The following MCRIP1 variants were observed in gnomAD, a reference collection of about 807,000 sequenced individuals.
MCRIP1 encodes the protein MAPK regulated corepressor interacting protein 1.
In MCRIP1, 10 loss-of-function variants were observed where a neutral mutation model predicts 14.4. The observed-to-expected ratio is 0.70, with a 90% CI of 0.43 to 1.18. The LOEUF is 1.18. Ranked by LOEUF, MCRIP1 falls within the 50% of genes most tolerant of loss-of-function variation. The pLI, the probability that MCRIP1 is intolerant of heterozygous loss-of-function variation, is 0.00. For missense variants in MCRIP1, 119 were observed against 135.4 expected (o/e 0.88, Z 0.60); for synonymous variants, 53 against 55.7 (o/e 0.95, Z 0.21).
At chr17:81,826,695 C>T (rs375817839) in intron 1 of MCRIP1, 59 of 321,188 alleles carry the variant, frequency 1.8e-4, no homozygotes, top group East Asian at 8.8e-4. Context: ...GGCAGGCACC[C>T]GTAATCCCAG....
intron 1 of MCRIP1, among the ~76,000 whole-genome samples, chr17:81,827,437 A>T (rs1567826428): frequency 6.6e-6 from 1 of 151,468 alleles, no homozygotes; most frequent in Non-Finnish European, 1.5e-5. Context: ...ACGCCCAGCT[A>T]ATTTTTTGTA....
At chr17:81,830,051 T>C (rs527991651) in intron 1 of MCRIP1, among the ~76,000 whole-genome samples, 142 of 152,370 alleles carry the variant, frequency 9.3e-4, no homozygotes, top group Non-Finnish European at 1.7e-3. Context: ...CCTGCAAGTC[T>C]GTGCATTCTG....
chr17:81,828,736 G>A (rs946945697), intron 1 of MCRIP1, among the ~76,000 whole-genome samples: 14 of 152,218 alleles, frequency 9.2e-5, no homozygotes, highest in African/African-American at 3.4e-4. Flanking sequence ...GGAAGCTGCA[G>A]AGGGCCGAGG....
At position 81,830,085 on chromosome 17, in the gene MCRIP1, T is replaced by C. The variant is rs539153397; in HGVS notation, c.-49+3153A>G. 3.3e-5 allele frequency among the ~76,000 whole-genome samples: 5 copies of C among 152,212 alleles called. No individual in the cohort carries two copies. In the East Asian group the frequency reaches 9.6e-4, roughly 29 times the overall value. ...TGCAGGACGTGACTGCCTGCTTCCGTGGCCGTCCAGCCTACAGGGCCTGGC... is the reference window on the plus strand; with the variant it reads ...TGCAGGACGTGACTGCCTGCTTCCGCGGCCGTCCAGCCTACAGGGCCTGGC... On this transcript the variant is annotated intron_variant, in intron 1 of 4. Coordinates refer to ENST00000455127, the MANE Select transcript of MCRIP1 (RefSeq NM_207368.5).
chr17:81,830,465 CG>C (rs1445732945), intron 1 of MCRIP1, among the ~76,000 whole-genome samples: 1 of 150,772 alleles, frequency 6.6e-6, no homozygotes, highest in East Asian at 2.0e-4. Flanking sequence ...GGTGAAACCC[CG>C]TCTCTACTAA....
rs1189874695 is a variant in MCRIP1, at chr17:81,824,407, T to C, written c.9-2A>G. The stretch of plus-strand genomic sequence containing the variant: ...TACACGACTCTGGAGACGGGGGAGC[T>C]GGGGGAGCCTGGCGCATGAGACAGG... On this transcript the variant is annotated splice_acceptor_variant, in intron 2 of 4. Coordinates refer to ENST00000455127, the MANE Select transcript of MCRIP1 (RefSeq NM_207368.5). LOFTEE classifies it high-confidence loss of function. 3 of 1,532,754 alleles carry C rather than the reference T, an allele frequency of 2.0e-6. No individual in the cohort carries two copies. The highest frequency in any genetic ancestry group is 2.6e-6 in the Non-Finnish European group (3 of 1,144,398). The allele number at this position is 1,532,754 out of a possible 1,614,324, so 94.9% of individuals were successfully genotyped here. A position where few individuals can be genotyped will look rare whatever the true frequency, so the allele number is the denominator to read the frequency against.
chr17:81,827,968 G>C (rs2038444298), intron 1 of MCRIP1, among the ~76,000 whole-genome samples: 1 of 151,592 alleles, frequency 6.6e-6, no homozygotes, highest in African/African-American at 2.4e-5. Flanking sequence ...TTTTAGTGGA[G>C]ATGGGGTTTC....
chr17:81,825,830 C>T (rs1366228224), intron 1 of MCRIP1: 1 of 1,289,700 alleles, frequency 7.8e-7, no homozygotes, highest in East Asian at 5.5e-5. Context: ...GTCCTCCTGC[C>T]AGGGACTCCA....
At position 81,824,530 on chromosome 17, in the gene MCRIP1, C is replaced by T. The variant is rs535374198; in HGVS notation, c.-24G>A. ...ATCGCGGGGGCGTCTGATCCTAGCGCTCCACCGCCAGATCCCCTCAGCCTC... is the reference window on the plus strand; with the variant it reads ...ATCGCGGGGGCGTCTGATCCTAGCGTTCCACCGCCAGATCCCCTCAGCCTC... On this transcript the variant is annotated 5_prime_UTR_variant, in exon 2 of 5. Transcript: ENST00000455127. 3 of 1,535,942 alleles carry T rather than the reference C, an allele frequency of 2.0e-6. No homozygotes were observed. The highest frequency in any genetic ancestry group is 2.4e-5 in the South Asian group (2 of 84,062).
intron 1 of MCRIP1, among the ~76,000 whole-genome samples, chr17:81,827,571 G>A (rs1409875877): frequency 4.0e-5 from 6 of 150,802 alleles, no homozygotes; most frequent in Admixed American, 6.6e-5. Context: ...ACGCCCGGCC[G>A]GCAAAATCCC....
At position 81,829,468 on chromosome 17, in the gene MCRIP1, G is replaced by C. The variant is rs545090870; in HGVS notation, c.-49+3770C>G. ...CCGAGCATGCCGATGTCCCGGCCAC[G>C]GCCCCGTACTCCTCAGTCGCTACAC... On this transcript the variant is annotated intron_variant, in intron 1 of 4. Coordinates refer to ENST00000455127, the MANE Select transcript of MCRIP1 (RefSeq NM_207368.5). 3.9e-5 allele frequency among the ~76,000 whole-genome samples: 6 copies of C among 152,344 alleles called. No individual in the cohort carries two copies. The East Asian group carries it at 9.6e-4, about 24-fold the overall frequency.
chr17:81,826,966 A>C (rs1371584163), intron 1 of MCRIP1, among the ~76,000 whole-genome samples: 1 of 151,452 alleles, frequency 6.6e-6, no homozygotes, highest in African/African-American at 2.4e-5. Flanking sequence ...AAAAATACAA[A>C]AATTAGCTGG....
At chr17:81,830,730 A>C (rs2038499599) in intron 1 of MCRIP1, among the ~76,000 whole-genome samples, 1 of 150,892 alleles carries the variant, frequency 6.6e-6, no homozygotes, top group Admixed American at 6.6e-5. Flanking sequence ...ACATAGAAAG[A>C]GCCCCATCTC....
rs947116494 is a variant in MCRIP1, at chr17:81,822,908, C to T, written c.*339G>A. The T allele has an allele frequency of 6.3e-6, 3 of 479,540 alleles. No homozygotes were observed. Among genetic ancestry groups the T allele is most frequent in the Non-Finnish European group, 7.6e-6 (2 of 264,522 alleles). The allele number at this position is 479,540 out of a possible 1,614,324, so 29.7% of individuals were successfully genotyped here. The stretch of plus-strand genomic sequence containing the variant: ...GGCTCCTTCTTCTCCCCTCCTGATC[C>T]TGCAGTGGCCAGGGGCAGGAGGGTG... On this transcript the variant is annotated 3_prime_UTR_variant, in exon 5 of 5. Coordinates refer to ENST00000455127, the MANE Select transcript of MCRIP1 (RefSeq NM_207368.5).
intron 1 of MCRIP1, among the ~76,000 whole-genome samples, chr17:81,831,402 CAAAAAAAAAA>C (rs577541495): frequency 7.4e-5 from 5 of 67,794 alleles, no homozygotes; most frequent in Non-Finnish European, 1.3e-4. Context: ...TCTCTGCCCT[CAAAAAAAAAA>C]AAAAAAAAAA....
At chr17:81,824,914 G>A (rs865843391) in intron 1 of MCRIP1, 10 of 1,164,342 alleles carry the variant, frequency 8.6e-6, no homozygotes, top group Admixed American at 8.8e-5. Flanking sequence ...TGGTGGGGCC[G>A]TCAGCATCTC....
intron 1 of MCRIP1, chr17:81,825,496 C>G: frequency 8.2e-6 from 10 of 1,216,122 alleles, no homozygotes; most frequent in Non-Finnish European, 1.0e-5. Context: ...CCCTGCCCAC[C>G]CAGAGGCCCA....
intron 1 of MCRIP1, chr17:81,826,591 G>A (rs183067693): frequency 1.2e-5 from 7 of 562,978 alleles, no homozygotes; most frequent in Admixed American, 6.7e-5. Flanking sequence ...AGGCAGAGGC[G>A]GGTGGATCAG....
chr17:81,823,890 A>AC lies in MCRIP1; in HGVS notation c.128-378dup, dbSNP rs1020135870. 1 of 485,568 alleles carries AC rather than the reference A, an allele frequency of 2.1e-6. No homozygotes were observed. The highest frequency in any genetic ancestry group is 2.0e-5 in the African/African-American group (1 of 50,082). 30.1% of individuals were successfully genotyped at this position (485,568 alleles called of 1,614,324 possible). On this transcript the variant is annotated intron_variant, in intron 3 of 4. Transcript: ENST00000455127. This position sits in a 1 kb window ranked among gnomAD's most constrained non-coding sequence, Gnocchi z 6.0. ...CACACTCCCCTAATCCCAGACAACC[A>AC]CCTCCCGGCCACTTCTGCAACACGC...
Sources: gnomAD v4.1 joint callset for allele counts (sites outside exome capture counted in the v4.1 genomes callset) on GRCh38, gnomAD v4.1.1 for gene constraint, Gnocchi (gnomAD v3.1) non-coding constraint, MANE v1.5 for transcripts, NCBI Gene and HGNC (gene_info 2026-07-23, HGNC 2026-07-21) for gene names.